The following PAN3 variants were observed in gnomAD, a reference collection of about 807,000 sequenced individuals.
PAN3 encodes PAN2-PAN3 deadenylation complex subunit PAN3.
In PAN3, 19 loss-of-function variants were observed where a neutral mutation model predicts 96.2. The observed-to-expected ratio is 0.20, with a 90% confidence interval of 0.14 to 0.29. The LOEUF is 0.29. Ranked by LOEUF, PAN3 falls within the 10% of genes least tolerant of loss-of-function variation. PAN3 has a pLI of 1.00. For synonymous variants in PAN3, 433 were observed against 406.6 expected, an observed-to-expected ratio of 1.06 and a Z score of -0.78; for missense variants, 882 against 1,108.1, an observed-to-expected ratio of 0.80 and a Z score of 2.90.
intron 1 of PAN3, among the ~76,000 whole-genome samples, chr13:28,161,020 A>G (rs1180361613): frequency 6.6e-6 from 1 of 152,200 alleles, no homozygotes; most frequent in African/African-American, 2.4e-5. Context: ...TGCTCAAACA[A>G]ATTGGTATTT....
intron 5 of PAN3, among the ~76,000 whole-genome samples, chr13:28,218,993 G>C (rs1042133659): frequency 5.3e-5 from 8 of 152,144 alleles, no homozygotes; most frequent in African/African-American, 1.7e-4. Flanking sequence ...TTTTCATTCT[G>C]TTGGTAGCCA....
chr13:28,263,348 T>G (rs1885892441), intron 9 of PAN3, among the ~76,000 whole-genome samples: 1 of 152,230 alleles, frequency 6.6e-6, no homozygotes, highest in South Asian at 2.1e-4. Context: ...AAATAAACTT[T>G]TATTGAGACA....
chr13:28,243,497 A>C (rs1041021284), intron 6 of PAN3, among the ~76,000 whole-genome samples: 14 of 152,356 alleles, frequency 9.2e-5, no homozygotes, highest in Admixed American at 7.8e-4. Context: ...TGCCATTATC[A>C]TAATGAAAAT....
At chr13:28,276,857 G>A (rs1182859717) in intron 14 of PAN3, among the ~76,000 whole-genome samples, 1 of 152,146 alleles carries the variant, frequency 6.6e-6, no homozygotes, top group African/African-American at 2.4e-5. Context: ...CCTTAAATTT[G>A]TTGTAATAGA....
chr13:28,249,309 G>A (rs931790514), intron 6 of PAN3, among the ~76,000 whole-genome samples: 1 of 152,092 alleles, frequency 6.6e-6, no homozygotes, highest in Non-Finnish European at 1.5e-5. Flanking sequence ...AGTAATTTTT[G>A]TATATGGTAT....
At chr13:28,289,705 C>A (rs1025471824) in intron 18 of PAN3, among the ~76,000 whole-genome samples, 3 of 152,050 alleles carry the variant, frequency 2.0e-5, no homozygotes, top group African/African-American at 4.8e-5. Context: ...CACGGTGAAA[C>A]CCCGTCCCTA....
chr13:28,249,224 A>G (rs1264848998), intron 6 of PAN3, among the ~76,000 whole-genome samples: 2 of 152,182 alleles, frequency 1.3e-5, no homozygotes, highest in Non-Finnish European at 2.9e-5. Context: ...CCATTGCTCG[A>G]CTAAAAGTCA....
chr13:28,246,200 T>C (rs1208584026), intron 6 of PAN3, among the ~76,000 whole-genome samples: 1 of 152,134 alleles, frequency 6.6e-6, no homozygotes, highest in African/African-American at 2.4e-5. Context: ...ATGTGTTCTT[T>C]GGAAAAAAAT....
intron 4 of PAN3, among the ~76,000 whole-genome samples, chr13:28,184,308 C>T (rs942388525): frequency 3.3e-5 from 5 of 151,950 alleles, no homozygotes; most frequent in Non-Finnish European, 7.4e-5. Flanking sequence ...TTTATCATAT[C>T]ATTTAGTTAC....
At chr13:28,197,761 G>A (rs898483143) in intron 5 of PAN3, among the ~76,000 whole-genome samples, 1 of 151,820 alleles carries the variant, frequency 6.6e-6, no homozygotes, top group Admixed American at 6.6e-5. Flanking sequence ...AGTAGAGATG[G>A]GGTCTCGCCA....
intron 6 of PAN3, 23 bp downstream of exon 6, chr13:28,220,401 G>A: frequency 6.2e-7 from 1 of 1,609,980 alleles, no homozygotes; most frequent in Non-Finnish European, 8.5e-7. Context: ...ACTATTTCCA[G>A]TGAGTTCCAG....
At chr13:28,187,544 A>C (rs375748869) in intron 4 of PAN3, among the ~76,000 whole-genome samples, 1 of 152,094 alleles carries the variant, frequency 6.6e-6, no homozygotes, top group Non-Finnish European at 1.5e-5. Context: ...CCTTTGTAAC[A>C]CTGAGATTTT....
At chr13:28,177,968 T>C in intron 4 of PAN3, 33 bp downstream of exon 4, 1 of 1,560,724 alleles carries the variant, frequency 6.4e-7, no homozygotes, top group African/African-American at 1.4e-5. Context: ...TTAAACTAAA[T>C]GGAATTTAGA....
intron 14 of PAN3, among the ~76,000 whole-genome samples, chr13:28,275,655 A>G (rs531940630): frequency 5.1e-4 from 78 of 152,286 alleles, no homozygotes; most frequent in Non-Finnish European, 1.0e-3. Flanking sequence ...TACTTGATCT[A>G]AAGTGTGATT....
At chr13:28,289,647 C>A (rs532289546) in intron 18 of PAN3, among the ~76,000 whole-genome samples, 11 of 152,118 alleles carry the variant, frequency 7.2e-5, no homozygotes, top group African/African-American at 2.7e-4. Flanking sequence ...TTTGGGAGGC[C>A]ACGGCGGGCG....
At chr13:28,214,921 A>C (rs968914628) in intron 5 of PAN3, 2 of 1,247,668 alleles carry the variant, frequency 1.6e-6, no homozygotes, top group South Asian at 2.4e-5. Context: ...GCTGGCGACC[A>C]TGCCCTTCTG....
chr13:28,285,533 G>T (rs1868870827), intron 17 of PAN3, among the ~76,000 whole-genome samples: 1 of 152,054 alleles, frequency 6.6e-6, no homozygotes, highest in African/African-American at 2.4e-5. Flanking sequence ...TGGATTAACA[G>T]GTGAACCCCT....
chr13:28,277,721 A>G (rs1054301428), intron 15 of PAN3, among the ~76,000 whole-genome samples: 2 of 152,210 alleles, frequency 1.3e-5, no homozygotes, highest in Middle Eastern at 3.2e-3. Flanking sequence ...GCCACATGTA[A>G]TTACTGGCTA....
chr13:28,252,344 T>TA (rs1351073665), intron 6 of PAN3, among the ~76,000 whole-genome samples: 1 of 152,040 alleles, frequency 6.6e-6, no homozygotes, highest in Non-Finnish European at 1.5e-5. Context: ...AATATTGTCC[T>TA]AACTGGTTGG....
Sources: allele counts gnomAD v4.1 joint callset (sites outside exome capture counted in the v4.1 genomes callset), GRCh38; gene constraint gnomAD v4.1.1; transcripts MANE v1.5; gene names NCBI Gene and HGNC (gene_info 2026-07-23, HGNC 2026-07-21).